The following FBXL13 variants were observed in gnomAD, a reference collection of about 807,000 sequenced individuals.
FBXL13 encodes F-box and leucine-rich repeat protein 13.
Under a neutral mutation model 83.6 loss-of-function variants are expected in FBXL13, and 67 were observed. The ratio of observed to expected loss-of-function variants is 0.80; its 90% CI spans 0.66 to 0.98. The LOEUF (loss-of-function observed/expected upper bound fraction) is 0.98. Ranked by LOEUF, FBXL13 falls within the 50% of genes least tolerant of loss-of-function variation. FBXL13 has a pLI of 0.00. For synonymous variants in FBXL13, 272 were observed against 299.5 expected (o/e 0.91, Z 0.95); for missense variants, 822 against 866.5 (o/e 0.95, Z 0.64).
At chr7:102,827,675 C>A (rs1006884298) in intron 18 of FBXL13, among the ~76,000 whole-genome samples, 19 of 152,056 alleles carry the variant, frequency 1.2e-4, no homozygotes, top group Admixed American at 2.0e-4. Context: ...ATTCCTCCCC[C>A]CTCCCGCCAC....
At chr7:102,983,714 C>T (rs1828575580) in intron 6 of FBXL13, among the ~76,000 whole-genome samples, 2 of 152,092 alleles carry the variant, frequency 1.3e-5, no homozygotes, top group South Asian at 2.1e-4. Context: ...AGCCACCGCA[C>T]CCAGCAAGAA....
intron 18 of FBXL13, chr7:102,827,195 G>T (rs536176147): frequency 3.1e-5 from 14 of 450,570 alleles, no homozygotes; most frequent in Non-Finnish European, 6.3e-5. Context: ...CCTTGAAGCA[G>T]CTCAGCTAGC....
At chr7:103,014,530 A>G (rs1323144338) in intron 6 of FBXL13, among the ~76,000 whole-genome samples, 3 of 152,176 alleles carry the variant, frequency 2.0e-5, no homozygotes, top group Non-Finnish European at 4.4e-5. Flanking sequence ...TATGAGGCCA[A>G]CATTATCCTG....
chr7:102,854,721 GA>G (rs1469274582), intron 17 of FBXL13, 55 bp downstream of exon 18: 5 of 1,161,428 alleles, frequency 4.3e-6, no homozygotes, highest in South Asian at 3.4e-5. Flanking sequence ...GGAAAAAAAA[GA>G]AAAAAAGAAA....
chr7:102,832,109 G>C (rs967059467), intron 18 of FBXL13, among the ~76,000 whole-genome samples: 8 of 152,140 alleles, frequency 5.3e-5, no homozygotes, highest in African/African-American at 1.9e-4. Context: ...GTTATGTCCA[G>C]GTGGTGACAG....
chr7:103,064,438 C>A (rs1215543017), intron 1 of FBXL13, among the ~76,000 whole-genome samples: 2 of 152,088 alleles, frequency 1.3e-5, no homozygotes, highest in African/African-American at 4.8e-5. Context: ...TGTAAATGCC[C>A]AGTAGACATC....
At chr7:102,921,334 A>T (rs1816974958) in intron 10 of FBXL13, among the ~76,000 whole-genome samples, 1 of 152,256 alleles carries the variant, frequency 6.6e-6, no homozygotes, top group African/African-American at 2.4e-5. Flanking sequence ...TCACTATTAT[A>T]ATGATGTATC....
At chr7:102,918,014 G>A (rs1368284941) in intron 10 of FBXL13, among the ~76,000 whole-genome samples, 1 of 152,120 alleles carries the variant, frequency 6.6e-6, no homozygotes, top group Non-Finnish European at 1.5e-5. Flanking sequence ...AATCATTGTT[G>A]CCAAGGACAA....
rs935237679 is a variant in FBXL13 at position 102,883,270 on chromosome 7, A to G, written c.1388+35T>C. ...GAACCTGGCACATACTAGATAATCA[A>G]CGTTTCTTGAATATATTACTGAATG... On this transcript the variant is annotated intron_variant, in intron 14 of 19. Transcript: ENST00000313221. The G allele has an allele frequency of 4.4e-6, 7 of 1,577,330 alleles. No individual in the cohort carries two copies. The Admixed American group carries it at 9.3e-5, about 21-fold the overall frequency.
At chr7:102,938,317 C>G (rs1409975150) in intron 8 of FBXL13, among the ~76,000 whole-genome samples, 1 of 152,168 alleles carries the variant, frequency 6.6e-6, no homozygotes, top group African/African-American at 2.4e-5. Context: ...GTTAAGGTCA[C>G]AATTTTACTA....
At chr7:102,912,362 A>ACC (rs1814851146) in intron 11 of FBXL13, among the ~76,000 whole-genome samples, 1 of 152,194 alleles carries the variant, frequency 6.6e-6, no homozygotes, top group Non-Finnish European at 1.5e-5. Context: ...ATACTATGAC[A>ACC]CCAAATTAAT....
chr7:102,977,292 C>G (rs891859909), intron 6 of FBXL13, among the ~76,000 whole-genome samples: 1 of 152,152 alleles, frequency 6.6e-6, no homozygotes, highest in Admixed American at 6.5e-5. Flanking sequence ...GCTCGCACAA[C>G]GACAAAAACA....
chr7:103,029,207 A>C, intron 3 of FBXL13, 144 bp downstream of exon 4: 3 of 462,578 alleles, frequency 6.5e-6, no homozygotes, highest in Non-Finnish European at 1.2e-5. Context: ...ATTAAATATA[A>C]AAGAAATATA....
intron 17 of FBXL13, among the ~76,000 whole-genome samples, chr7:102,843,854 C>T (rs954811114): frequency 4.6e-5 from 7 of 152,100 alleles, no homozygotes; most frequent in African/African-American, 1.4e-4. Context: ...TCAAAAAAGA[C>T]GGGGCCTGAA....
At chr7:103,034,197 T>C (rs1794829142) in intron 2 of FBXL13, among the ~76,000 whole-genome samples, 1 of 152,330 alleles carries the variant, frequency 6.6e-6, no homozygotes, top group African/African-American at 2.4e-5. Context: ...GATCTCGCAC[T>C]GGGGCTGCAG....
At chr7:103,012,599 C>T (rs1389095770) in intron 6 of FBXL13, among the ~76,000 whole-genome samples, 1 of 152,112 alleles carries the variant, frequency 6.6e-6, no homozygotes, top group Admixed American at 6.6e-5. Flanking sequence ...TTCAGACAAG[C>T]AAATGCTAAG....
At chr7:103,009,026 G>C (rs552220739) in intron 6 of FBXL13, among the ~76,000 whole-genome samples, 34 of 151,840 alleles carry the variant, frequency 2.2e-4, no homozygotes, top group East Asian at 1.2e-3. Context: ...ACAGTCCATG[G>C]TATTTAAAAT....
intron 2 of FBXL13, among the ~76,000 whole-genome samples, chr7:103,032,735 C>T (rs1396755678): frequency 1.3e-5 from 2 of 152,216 alleles, no homozygotes; most frequent in Non-Finnish European, 2.9e-5. Context: ...TCTAATATTA[C>T]ATTCTAAAAG....
chr7:102,856,851 A>G (rs1418964376), intron 16 of FBXL13, among the ~76,000 whole-genome samples: 1 of 152,248 alleles, frequency 6.6e-6, no homozygotes, highest in Non-Finnish European at 1.5e-5. Context: ...CAAAAATTAA[A>G]CATAGAGTTA....
Sources: allele counts gnomAD v4.1 joint callset (sites outside exome capture counted in the v4.1 genomes callset), GRCh38; gene constraint gnomAD v4.1.1; transcripts MANE v1.5; gene names NCBI Gene and HGNC (gene_info 2026-07-23, HGNC 2026-07-21).